The following GRIN2A variants were observed in gnomAD, a reference collection of about 807,000 sequenced individuals.
GRIN2A encodes glutamate receptor ionotropic, NMDA 2A.
Under a neutral mutation model 113.4 loss-of-function variants are expected in GRIN2A, and 22 were observed. The ratio of observed to expected loss-of-function variants is 0.19; its 90% CI spans 0.14 to 0.28. The LOEUF (loss-of-function observed/expected upper bound fraction) is 0.28. GRIN2A is among the 10% of genes least tolerant of loss of function. The pLI, the probability that GRIN2A is intolerant of heterozygous loss-of-function variation, is 1.00. For synonymous variants in GRIN2A, 827 were observed against 738.4 expected, an observed-to-expected ratio of 1.12 and a Z score of -1.94; for missense variants, 1,502 against 1,887.0, an observed-to-expected ratio of 0.80 and a Z score of 3.78.
intron 3 of GRIN2A, among the ~76,000 whole-genome samples, chr16:9,923,865 G>A (rs542825117): frequency 6.6e-6 from 1 of 152,032 alleles, no homozygotes; most frequent in African/African-American, 2.4e-5. Flanking sequence ...GGTGGCTCAC[G>A]TCTGTAATCC....
Position 10,121,945 on chromosome 16 carries a change from G to C in GRIN2A, c.414+58053C>G, listed in dbSNP as rs372245131. Among the ~76,000 whole-genome samples, 7 of 152,264 alleles carry C rather than the reference G, an allele frequency of 4.6e-5. No homozygotes were observed. The East Asian group carries it at 9.7e-4, about 21-fold the overall frequency. On this transcript the variant is annotated intron_variant, in intron 2 of 12. Transcript: ENST00000330684. Reference sequence around the variant, plus strand: ...AAATCTCAAAAAACCCTGCAAACAAGAGAGAAGCATGGTCTAATTAAAATA... The same window carrying C: ...AAATCTCAAAAAACCCTGCAAACAACAGAGAAGCATGGTCTAATTAAAATA...
In GRIN2A at chr16:10,180,333, CCGCCGCGCTCGG is replaced by C; in HGVS notation, c.67_78del (p.Pro23_Ala26del). On this transcript the variant is annotated inframe_deletion, in exon 2 of 13. Coordinates refer to ENST00000330684, the MANE Select transcript of GRIN2A (RefSeq NM_001134407.3). The surrounding 1 kb of genome is among the most constrained non-coding windows in gnomAD (Gnocchi z 7.0). ...TTTAGCGCGGGGGGACCCTTCTCCG[CCGCCGCGCTCGG>C]CGCCGGACCGCGCCAGACCAGAAGG... 1 of 1,609,332 alleles carries C rather than the reference CCGCCGCGCTCGG, an allele frequency of 6.2e-7. No individual in the cohort carries two copies. Among genetic ancestry groups the C allele is most frequent in the Non-Finnish European group, 8.5e-7 (1 of 1,179,858 alleles).
chr16:10,036,407 T>C (rs1261005776), intron 2 of GRIN2A, among the ~76,000 whole-genome samples: 2 of 151,572 alleles, frequency 1.3e-5, no homozygotes, highest in Non-Finnish European at 2.9e-5. Flanking sequence ...TGGTGTTCTA[T>C]TTATGCCATA....
At chr16:10,028,678 A>C (rs1388581422) in intron 2 of GRIN2A, among the ~76,000 whole-genome samples, 2 of 152,224 alleles carry the variant, frequency 1.3e-5, no homozygotes, top group Non-Finnish European at 2.9e-5. Flanking sequence ...GTTAGCAAAA[A>C]GTAAGCTTTA....
intron 2 of GRIN2A, among the ~76,000 whole-genome samples, chr16:10,089,763 C>T (rs2048151280): frequency 6.6e-6 from 1 of 152,142 alleles, no homozygotes; most frequent in East Asian, 1.9e-4. Context: ...ATTTCAACAG[C>T]AAGCTGTCTT....
intron 2 of GRIN2A, among the ~76,000 whole-genome samples, chr16:10,049,408 T>C (rs2047316712): frequency 6.6e-6 from 1 of 152,086 alleles, no homozygotes; most frequent in Non-Finnish European, 1.5e-5. Flanking sequence ...GACAGAGTCT[T>C]GCTCTGTTGA....
intron 2 of GRIN2A, among the ~76,000 whole-genome samples, chr16:10,017,488 C>A (rs540896861): frequency 6.6e-6 from 1 of 151,996 alleles, no homozygotes; most frequent in Non-Finnish European, 1.5e-5. Context: ...TTGGTTTGTT[C>A]GGCTTATTTC....
chr16:10,132,527 T>G (rs1170441639), intron 2 of GRIN2A, among the ~76,000 whole-genome samples: 1 of 152,120 alleles, frequency 6.6e-6, no homozygotes, highest in Non-Finnish European at 1.5e-5. Context: ...CGTGATGGCT[T>G]TCTGACCTAA....
chr16:9,766,036 G>T (rs16966266), intron 12 of GRIN2A, among the ~76,000 whole-genome samples: 5 of 152,120 alleles, frequency 3.3e-5, no homozygotes, highest in Non-Finnish European at 5.9e-5. Flanking sequence ...GCAAAAGGAC[G>T]TCTGGAACAT....
chr16:9,972,450 A>G (rs2045691563), intron 2 of GRIN2A, among the ~76,000 whole-genome samples: 1 of 152,238 alleles, frequency 6.6e-6, no homozygotes. Context: ...AAGACAATCA[A>G]CAGAGGCCAA....
At chr16:9,920,962 G>A in intron 3 of GRIN2A, among the ~76,000 whole-genome samples, 1 of 152,060 alleles carries the variant, frequency 6.6e-6, no homozygotes, top group Non-Finnish European at 1.5e-5. Flanking sequence ...TGGGGATTTT[G>A]CTCAATCCTC....
intron 4 of GRIN2A, among the ~76,000 whole-genome samples, chr16:9,883,489 G>A (rs1477957253): frequency 6.6e-6 from 1 of 152,192 alleles, no homozygotes; most frequent in Non-Finnish European, 1.5e-5. Context: ...CCCACTTTGA[G>A]CTACCCAGAT....
intron 2 of GRIN2A, among the ~76,000 whole-genome samples, chr16:10,108,396 G>T (rs917368886): frequency 6.6e-6 from 1 of 152,188 alleles, no homozygotes; most frequent in African/African-American, 2.4e-5. Context: ...CCCACAACAT[G>T]TGGGAATTGT....
At chr16:9,960,223 A>C (rs75971326) in intron 2 of GRIN2A, among the ~76,000 whole-genome samples, 3,761 of 152,330 alleles carry the variant, frequency 0.025, 67 homozygotes, top group South Asian at 0.042. Context: ...TACTGAATGA[A>C]CTAGATTGCA....
intron 12 of GRIN2A, among the ~76,000 whole-genome samples, chr16:9,766,332 G>T (rs1342716867): frequency 6.6e-6 from 1 of 152,220 alleles, no homozygotes; most frequent in African/African-American, 2.4e-5. Context: ...TCACGGAACT[G>T]TGACAGCCTC....
intron 2 of GRIN2A, among the ~76,000 whole-genome samples, chr16:10,115,141 G>T (rs2048705504): frequency 6.6e-6 from 1 of 152,126 alleles, no homozygotes; most frequent in African/African-American, 2.4e-5. Flanking sequence ...TAAAGTAAAA[G>T]TAAACTAGCC....
chr16:10,103,312 T>C (rs969272923), intron 2 of GRIN2A, among the ~76,000 whole-genome samples: 3 of 152,118 alleles, frequency 2.0e-5, no homozygotes, highest in Non-Finnish European at 2.9e-5. Flanking sequence ...CACTTGGGGA[T>C]GGGGGAGTGG....
intron 2 of GRIN2A, among the ~76,000 whole-genome samples, chr16:10,078,295 C>T (rs926218570): frequency 3.9e-5 from 6 of 151,966 alleles, no homozygotes; most frequent in African/African-American, 1.5e-4. Flanking sequence ...TGCCTGGAAC[C>T]GTGCTGGGGA....
In GRIN2A at chr16:9,841,093, T is replaced by C. The variant is rs367543145; in HGVS notation, c.1340A>G (p.Asn447Ser). ...RKFVKINNST[N>S]EGMNVKKCCK... ...GCATTTCTTCACATTCATCCCCTCA[T>C]TGGTTGAATTGCTGTAAAGAAAAAC... is the stretch of plus-strand genomic sequence containing the variant. Residue 447 changes from asparagine (N) to serine (S), a missense_variant, in exon 6 of 13, where the codon AAT becomes AGT. Asn to Ser is a conservative substitution (Grantham distance 46). This residue lies in a region of GRIN2A where 334 missense variants were observed against 403.0 expected (regional missense o/e 0.83). Coordinates refer to ENST00000330684, the MANE Select transcript of GRIN2A (RefSeq NM_001134407.3). 3 of 1,612,938 alleles carry C rather than the reference T, an allele frequency of 1.9e-6. No homozygotes were observed. The highest frequency in any genetic ancestry group is 1.1e-5 in the South Asian group (1 of 91,072).
Sources: allele counts gnomAD v4.1 joint callset (sites outside exome capture counted in the v4.1 genomes callset), GRCh38; gene constraint gnomAD v4.1.1; regional missense constraint gnomAD v4.1.1; non-coding constraint Gnocchi (gnomAD v3.1); transcripts MANE v1.5; gene names NCBI Gene and HGNC (gene_info 2026-07-23, HGNC 2026-07-21).